Variants in NEK10 observed in about 807,000 individuals in gnomAD.
NEK10 encodes the protein serine/threonine-protein kinase Nek10.
Under a neutral mutation model 159.8 loss-of-function variants are expected in NEK10, and 122 were observed. The ratio of observed to expected loss-of-function variants is 0.76; its 90% CI spans 0.66 to 0.89. The LOEUF (loss-of-function observed/expected upper bound fraction) is 0.89, where lower values mean the gene tolerates loss of function less well. Ranked by LOEUF, NEK10 falls within the 40% of genes least tolerant of loss-of-function variation. NEK10 has a pLI of 0.00. For missense variants in NEK10, 1,342 were observed against 1,323.1 expected (o/e 1.01, Z -0.22); for synonymous variants, 466 against 457.1 (o/e 1.02, Z -0.25).
intron 5 of NEK10, among the ~76,000 whole-genome samples, chr3:27,339,177 C>T (rs1055144843): frequency 6.6e-6 from 1 of 152,160 alleles, no homozygotes; most frequent in East Asian, 1.9e-4. Context: ...TGTGCAGAAG[C>T]TCTTTAGTTT....
At chr3:27,213,377 GACA>G (rs1247732415) in intron 23 of NEK10, among the ~76,000 whole-genome samples, 1 of 152,178 alleles carries the variant, frequency 6.6e-6, no homozygotes, top group Non-Finnish European at 1.5e-5. Context: ...CCTCTGACAT[GACA>G]ACAAGCCGTT....
intron 26 of NEK10, among the ~76,000 whole-genome samples, chr3:27,183,424 C>G (rs1178443813): frequency 6.6e-6 from 1 of 150,850 alleles, no homozygotes; most frequent in Non-Finnish European, 1.5e-5. Flanking sequence ...AGTCAATCTC[C>G]TCATTATTCT....
rs533896775 is a variant in NEK10, at chr3:27,214,553, T to C, written c.2091-11996A>G. Among the ~76,000 whole-genome samples the C allele has an allele frequency of 1.5e-3, 222 of 143,520 alleles. 1 individual carries two copies. Among genetic ancestry groups the C allele is most frequent in the African/African-American group, 5.7e-3 (216 of 38,206 alleles). 94.2% of individuals were successfully genotyped at this position (143,520 alleles called of 152,430 possible). A position where few individuals can be genotyped will look rare whatever the true frequency, so the allele number is the denominator to read the frequency against. On this transcript the variant is annotated intron_variant, in intron 23 of 35. Transcript: ENST00000691995. ...CAGGCAGCTTTTACTTTCTTTCTTT[T>C]TTTTGTTTTTCCTATTTTTGTTTAA...
At chr3:27,358,191 G>A (rs1204668111) in intron 1 of NEK10, among the ~76,000 whole-genome samples, 1 of 152,144 alleles carries the variant, frequency 6.6e-6, no homozygotes, top group Non-Finnish European at 1.5e-5. Context: ...AATTAAGTTT[G>A]TTATTTTGTT....
intron 23 of NEK10, chr3:27,206,436 G>C (rs994476404): frequency 1.7e-5 from 3 of 173,556 alleles, no homozygotes; most frequent in Non-Finnish European, 3.4e-5. Context: ...CTAGAATAAA[G>C]GAGGTCTGGA....
rs188575187 is a variant in NEK10 at position 27,220,958 on chromosome 3, G to A, written c.2091-18401C>T. Among the ~76,000 whole-genome samples the A allele has an allele frequency of 3.2e-4, 48 of 152,130 alleles. 2 individuals carry two copies. In the East Asian group the frequency reaches 8.3e-3, roughly 26 times the overall value. ...TTCAACAAATGGTACTGGGACAACT[G>A]GATACACACATGCAAAAGGATGAAG... On this transcript the variant is annotated intron_variant, in intron 23 of 35. Transcript: ENST00000691995.
At chr3:27,355,159 T>A (rs2048244954) in intron 1 of NEK10, among the ~76,000 whole-genome samples, 1 of 152,146 alleles carries the variant, frequency 6.6e-6, no homozygotes, top group African/African-American at 2.4e-5. Flanking sequence ...TTCCAACTAC[T>A]GAGTTGAATT....
intron 26 of NEK10, among the ~76,000 whole-genome samples, chr3:27,181,686 T>G (rs1416241576): frequency 6.6e-6 from 1 of 152,208 alleles, no homozygotes; most frequent in Non-Finnish European, 1.5e-5. Flanking sequence ...CCTTCTTTTA[T>G]TTTTGTTCAT....
chr3:27,170,956 C>T (rs1946927342), intron 29 of NEK10, among the ~76,000 whole-genome samples: 1 of 152,084 alleles, frequency 6.6e-6, no homozygotes, highest in Non-Finnish European at 1.5e-5. Flanking sequence ...GTCTCTTCTC[C>T]TTCCTCTGTC....
intron 22 of NEK10, among the ~76,000 whole-genome samples, chr3:27,271,517 T>A (rs1002337357): frequency 1.3e-5 from 2 of 152,206 alleles, no homozygotes; most frequent in South Asian, 4.1e-4. Context: ...TTATTCTTAC[T>A]AAAATGCCAT....
Position 27,119,794 on chromosome 3 carries a change from G to A in NEK10, c.3156C>T (p.Ser1052=), listed in dbSNP as rs148975819. ...CATTTGGGGACAGGCTGTTTCCACC[G>A]GATGAACGATGTAATAAATGGTAAT... ...TADYHLLHRS[S]GGNSLSPNDP... Residue 1052 remains serine, a synonymous_variant, in exon 33 of 36, where the codon TCC becomes TCT. Transcript: ENST00000691995. The A allele has an allele frequency of 1.7e-4, 270 of 1,613,890 alleles. 2 individuals are homozygous for A. In the Middle Eastern group the frequency reaches 3.6e-3, roughly 22 times the overall value.
chr3:27,141,379 A>T (rs531764272), intron 31 of NEK10, 103 bp downstream of exon 31: 3 of 804,252 alleles, frequency 3.7e-6, no homozygotes, highest in Non-Finnish European at 4.0e-6. Context: ...GGGGAGGATA[A>T]GAACAAGAAT....
At chr3:27,341,802 T>C (rs1251111704) in intron 5 of NEK10, among the ~76,000 whole-genome samples, 1 of 152,100 alleles carries the variant, frequency 6.6e-6, no homozygotes, top group Non-Finnish European at 1.5e-5. Context: ...AGGAACATTA[T>C]CACCAATTGG....
intron 1 of NEK10, among the ~76,000 whole-genome samples, chr3:27,362,052 G>T (rs1047081212): frequency 6.6e-6 from 1 of 152,124 alleles, no homozygotes; most frequent in Non-Finnish European, 1.5e-5. Flanking sequence ...CACTAGAAGT[G>T]TCAAAAAGCA....
At chr3:27,117,186 C>T (rs1940585876) in intron 33 of NEK10, among the ~76,000 whole-genome samples, 1 of 152,180 alleles carries the variant, frequency 6.6e-6, no homozygotes, top group African/African-American at 2.4e-5. Context: ...CATGGTATTC[C>T]ATGGTGCATG....
At chr3:27,334,139 C>T (rs1441182598) in intron 5 of NEK10, among the ~76,000 whole-genome samples, 3 of 152,198 alleles carry the variant, frequency 2.0e-5, no homozygotes, top group Non-Finnish European at 2.9e-5. Context: ...CCACCACTGG[C>T]ACCTAAACCC....
At chr3:27,347,072 C>G (rs893596178) in intron 3 of NEK10, among the ~76,000 whole-genome samples, 9 of 152,094 alleles carry the variant, frequency 5.9e-5, no homozygotes, top group African/African-American at 2.2e-4. Flanking sequence ...CTATAATTAG[C>G]TAAATTATTA....
intron 22 of NEK10, among the ~76,000 whole-genome samples, chr3:27,276,534 C>T (rs1246919255): frequency 6.6e-6 from 1 of 152,102 alleles, no homozygotes; most frequent in African/African-American, 2.4e-5. Flanking sequence ...GCTTTGGGTG[C>T]CATAAGGAAA....
intron 22 of NEK10, among the ~76,000 whole-genome samples, chr3:27,283,775 C>G (rs1369006518): frequency 6.6e-6 from 1 of 152,172 alleles, no homozygotes; most frequent in African/African-American, 2.4e-5. Context: ...GTGATAAAAA[C>G]TCTATGTTGA....
Sources: gnomAD v4.1 joint callset for allele counts (sites outside exome capture counted in the v4.1 genomes callset) on GRCh38, gnomAD v4.1.1 for gene constraint, MANE v1.5 for transcripts, NCBI Gene and HGNC (gene_info 2026-07-23, HGNC 2026-07-21) for gene names.